DBNDD1: variants seen among roughly 807,000 people sequenced by gnomAD.
DBNDD1 encodes dysbindin domain-containing protein 1.
A neutral mutation model predicts 17.0 loss-of-function variants in DBNDD1; 14 were observed. The observed-to-expected ratio is 0.82, with a 90% CI of 0.54 to 1.29. The LOEUF (loss-of-function observed/expected upper bound fraction) is 1.29. Among genes scored for constraint, DBNDD1 ranks in the 50% most tolerant of loss-of-function variants. The probability of loss-of-function intolerance (pLI) is 0.00; values close to 1 mark genes in which losing one functional copy is unlikely to be tolerated. For missense variants in DBNDD1, 221 were observed against 216.2 expected (o/e 1.02, Z -0.14); for synonymous variants, 105 against 102.0 (o/e 1.03, Z -0.18).
chr16:90,009,493 G>T (rs534791963), intron 1 of DBNDD1, 63 bp from the exon 2 acceptor site: 1 of 1,592,344 alleles, frequency 6.3e-7, no homozygotes, highest in Non-Finnish European at 8.5e-7. Context: ...CCCAGGACGC[G>T]GGGCTGGGTG....
At chr16:90,014,273 T>C (rs1374935324) in intron 1 of DBNDD1, among the ~76,000 whole-genome samples, 5 of 151,990 alleles carry the variant, frequency 3.3e-5, no homozygotes, top group Non-Finnish European at 5.9e-5. Context: ...ATTACAGGCG[T>C]GCGCCACCAT....
rs764905319 is a variant in DBNDD1 at position 90,008,821 on chromosome 16, G to A, written c.282C>T (p.Asp94=). 6.2e-7 allele frequency: 1 copy of A among 1,604,272 alleles called. No homozygotes were observed. Among genetic ancestry groups the A allele is most frequent in the Non-Finnish European group, 8.5e-7 (1 of 1,173,396 alleles). ...SDQELAEVFA[D]SDDENLNTES... Reference sequence around the variant, plus strand: ...CGGTGTTGAGGTTCTCGTCGTCCGAGTCAGCAAAGACCTCGGCCAGCTCCT... The same window carrying A: ...CGGTGTTGAGGTTCTCGTCGTCCGAATCAGCAAAGACCTCGGCCAGCTCCT... Residue 94 remains aspartate (D), a synonymous_variant, in exon 3 of 4, where the codon GAC becomes GAT. Coordinates refer to ENST00000002501, the MANE Select transcript of DBNDD1 (RefSeq NM_001042610.3).
At chr16:90,014,051 CTGAG>C (rs2035599194) in intron 1 of DBNDD1, among the ~76,000 whole-genome samples, 1 of 151,904 alleles carries the variant, frequency 6.6e-6, no homozygotes, top group South Asian at 2.1e-4. Flanking sequence ...GGTTTCTATA[CTGAG>C]TAAGCTGAGA....
At chr16:90,012,444 C>A (rs2035569580) in intron 1 of DBNDD1, among the ~76,000 whole-genome samples, 1 of 151,232 alleles carries the variant, frequency 6.6e-6, no homozygotes, top group Non-Finnish European at 1.5e-5. Context: ...TCCTGAGGGG[C>A]ACCCCCTCCT....
upstream of DBNDD1, chr16:90,019,733 G>A: frequency 1.5e-6 from 1 of 655,626 alleles, no homozygotes; most frequent in Non-Finnish European, 2.7e-6. This position sits in a 1 kb window ranked among gnomAD's most constrained non-coding sequence, Gnocchi z 6.1. Flanking sequence ...CTCACTTGGC[G>A]GCCGCGCCCG....
intron 3 of DBNDD1, chr16:90,007,885 A>G (rs2035460566): frequency 5.5e-6 from 1 of 182,280 alleles, no homozygotes; most frequent in Non-Finnish European, 1.1e-5. Flanking sequence ...AAGGGGCCTC[A>G]GCCCACCACC....
chr16:90,006,485 G>T lies in DBNDD1; in HGVS notation c.327C>A (p.His109Gln). Residue 109 changes from histidine (H) to glutamine (Q), a missense_variant, in exon 4 of 4, where the codon CAC (histidine) becomes CAA (glutamine). By Grantham distance (24) the His-to-Gln change is conservative (BLOSUM62 0). Coordinates refer to ENST00000002501, the MANE Select transcript of DBNDD1 (RefSeq NM_001042610.3). The part of the protein sequence containing the change: ...NLNTESPAGL[H>Q]PLPRAGYLRS... ...GCAGGTAGCCGGCCCGGGGCAGCGG[G>T]TGCAGACCTAGGGGCATGCGGGAAG... 1.3e-6 allele frequency: 2 copies of T among 1,598,288 alleles called. No individual in the cohort carries two copies. The highest frequency in any genetic ancestry group is 1.7e-6 in the Non-Finnish European group (2 of 1,179,654).
At chr16:90,017,418 C>T (rs889327586) in intron 1 of DBNDD1, among the ~76,000 whole-genome samples, 3 of 152,084 alleles carry the variant, frequency 2.0e-5, no homozygotes, top group Non-Finnish European at 4.4e-5. Flanking sequence ...TGGCGTGAAC[C>T]CGGGAGGTGG....
intron 2 of DBNDD1, 58 bp from the exon 3 acceptor site, chr16:90,008,982 C>T (rs2035497279): frequency 1.3e-6 from 2 of 1,491,762 alleles, no homozygotes; most frequent in African/African-American, 1.4e-5. Flanking sequence ...TGCTCAGAGC[C>T]CCGGGGGTCT....
intron 1 of DBNDD1, chr16:90,009,673 G>C: frequency 1.6e-6 from 1 of 641,548 alleles, no homozygotes; most frequent in Non-Finnish European, 2.6e-6. Context: ...AGGAATCTGA[G>C]ATCCAGATCA....
chr16:90,017,370 C>T (rs1219070352), intron 1 of DBNDD1, among the ~76,000 whole-genome samples: 1 of 152,082 alleles, frequency 6.6e-6, no homozygotes, highest in Non-Finnish European at 1.5e-5. Context: ...TGGCGGGCGC[C>T]TGTAGTCCCA....
upstream of DBNDD1, chr16:90,019,669 C>G (rs1031098365): frequency 1.1e-3 from 550 of 521,956 alleles, no homozygotes; most frequent in African/African-American, 0.01. This position sits in a 1 kb window ranked among gnomAD's most constrained non-coding sequence, Gnocchi z 6.1. Flanking sequence ...CGGACACCAC[C>G]GGGACCTGGC....
rs1190024045 is a variant in DBNDD1 at position 90,009,543 on chromosome 16, G to C, written c.32-113C>G. On this transcript the variant is annotated intron_variant, in intron 1 of 3. Coordinates refer to ENST00000002501, the MANE Select transcript of DBNDD1 (RefSeq NM_001042610.3). Reference sequence around the variant, plus strand: ...ATCCAGTCCTTTGAAACTCTGGGCAGTGACCAGCAGGTGATGGGATGGCTG... The same window carrying C: ...ATCCAGTCCTTTGAAACTCTGGGCACTGACCAGCAGGTGATGGGATGGCTG... 6.7e-6 allele frequency: 10 copies of C among 1,490,228 alleles called. No individual in the cohort carries two copies. In the African/African-American group the frequency reaches 1.1e-4, roughly 16 times the overall value. 92.3% of individuals were successfully genotyped at this position (1,490,228 alleles called of 1,614,324 possible). A position where few individuals can be genotyped will look rare whatever the true frequency, so the allele number is the denominator to read the frequency against.
rs1014126915 is a variant in DBNDD1, at chr16:90,019,281, G to T, written c.31+30C>A. On this transcript the variant is annotated intron_variant, in intron 1 of 3. Transcript: ENST00000002501. The surrounding 1 kb of genome is among the most constrained non-coding windows in gnomAD (Gnocchi z 6.1). ...GGCTCGCTGCGGGGAAGCGCTGCGCGGGGGTCTCGGGGGCTGGGGCTGAAC... is the reference window on the plus strand; with the variant it reads ...GGCTCGCTGCGGGGAAGCGCTGCGCTGGGGTCTCGGGGGCTGGGGCTGAAC... 8.4e-7 allele frequency: 1 copy of T among 1,184,784 alleles called. No individual in the cohort carries two copies. Among genetic ancestry groups the T allele is most frequent in the East Asian group, 3.2e-5 (1 of 30,770 alleles). The allele number at this position is 1,184,784 out of a possible 1,614,324, so 73.4% of individuals were successfully genotyped here. A position where few individuals can be genotyped will look rare whatever the true frequency, so the allele number is the denominator to read the frequency against.
chr16:90,017,860 T>C (rs934928940), intron 1 of DBNDD1, among the ~76,000 whole-genome samples: 1 of 152,240 alleles, frequency 6.6e-6, no homozygotes, highest in African/African-American at 2.4e-5. Flanking sequence ...GGCAGGGTAC[T>C]GCACAGAGCT....
In DBNDD1 at chr16:90,019,099, A is replaced by C. The variant is rs2035712102; in HGVS notation, c.31+212T>G. On this transcript the variant is annotated intron_variant, in intron 1 of 3. Transcript: ENST00000002501. This position sits in a 1 kb window ranked among gnomAD's most constrained non-coding sequence, Gnocchi z 6.1. The stretch of plus-strand genomic sequence containing the variant: ...ACGGCTTCCCGGGCCGGGAGCGCAG[A>C]GAACAAGGGGGCGGAGACTCGGTCC... Among the ~76,000 whole-genome samples, 1 of 152,140 alleles carries C rather than the reference A, an allele frequency of 6.6e-6. No individual in the cohort carries two copies. Among genetic ancestry groups the C allele is most frequent in the South Asian group, 2.1e-4 (1 of 4,832 alleles).
chr16:90,009,262 C>T (rs1393253083), intron 2 of DBNDD1, 22 bp downstream of exon 2: 4 of 1,611,194 alleles, frequency 2.5e-6, no homozygotes, highest in African/African-American at 1.3e-5. Flanking sequence ...ATAGCGTGCG[C>T]TGGGCAGGGA....
chr16:90,009,244 G>A (rs747619217), intron 2 of DBNDD1, 40 bp downstream of exon 2: 19 of 1,607,092 alleles, frequency 1.2e-5, no homozygotes, highest in Admixed American at 6.8e-5. Context: ...GGAGCTCACG[G>A]GGTCCCCATA....
intron 1 of DBNDD1, among the ~76,000 whole-genome samples, chr16:90,011,986 GC>G (rs1332991423): frequency 6.6e-6 from 1 of 152,192 alleles, no homozygotes; most frequent in Non-Finnish European, 1.5e-5. Context: ...AAAGCCCCAG[GC>G]CCCCGCCCAC....
Sources: gnomAD v4.1 joint callset for allele counts (sites outside exome capture counted in the v4.1 genomes callset) on GRCh38, gnomAD v4.1.1 for gene constraint, Gnocchi (gnomAD v3.1) non-coding constraint, MANE v1.5 for transcripts, NCBI Gene and HGNC (gene_info 2026-07-23, HGNC 2026-07-21) for gene names.